Variants in SPOCK3 observed in about 807,000 individuals in gnomAD.
SPOCK3 encodes testican-3.
SPOCK3 carries 30 observed loss-of-function variants against 56.6 expected under a neutral mutation model. The observed-to-expected ratio is 0.53, with a 90% CI of 0.40 to 0.72. SPOCK3 has a LOEUF of 0.72. Ranked by LOEUF, SPOCK3 falls within the 30% of genes least tolerant of loss-of-function variation. The probability of loss-of-function intolerance (pLI) is 0.00; values close to 1 mark genes in which losing one functional copy is unlikely to be tolerated. For synonymous variants in SPOCK3, 196 were observed against 183.3 expected, an observed-to-expected ratio of 1.07 and a Z score of -0.56; for missense variants, 527 against 530.0, an observed-to-expected ratio of 0.99 and a Z score of 0.06.
At chr4:167,220,525 G>A (rs1304110370) in intron 2 of SPOCK3, among the ~76,000 whole-genome samples, 1 of 151,282 alleles carries the variant, frequency 6.6e-6, no homozygotes, top group Non-Finnish European at 1.5e-5. Context: ...CAATAGGCAT[G>A]TGCCACCACA....
At chr4:167,010,144 T>G (rs1561115658) in intron 3 of SPOCK3, among the ~76,000 whole-genome samples, 1 of 152,028 alleles carries the variant, frequency 6.6e-6, no homozygotes, top group Non-Finnish European at 1.5e-5. Flanking sequence ...AACCACAGAC[T>G]AAGAGTGAAT....
At chr4:166,998,196 C>A (rs1302793829) in intron 4 of SPOCK3, among the ~76,000 whole-genome samples, 1 of 152,068 alleles carries the variant, frequency 6.6e-6, no homozygotes. Flanking sequence ...ATTGAATGGA[C>A]ATTTATAAAT....
intron 2 of SPOCK3, among the ~76,000 whole-genome samples, chr4:167,102,724 C>T (rs1759760452): frequency 6.6e-6 from 1 of 151,982 alleles, no homozygotes; most frequent in Non-Finnish European, 1.5e-5. Flanking sequence ...GGAGAATTAT[C>T]CATCCCAGCG....
intron 3 of SPOCK3, among the ~76,000 whole-genome samples, chr4:167,030,083 TTCTATCTATCTATCTA>T (rs59694023): frequency 2.2e-4 from 31 of 141,480 alleles, no homozygotes; most frequent in East Asian, 1.4e-3. Context: ...TAATGGCTCA[TTCTATCTATCTATCTA>T]TCTATCTATC....
chr4:167,086,737 A>T (rs1406933085), intron 2 of SPOCK3, among the ~76,000 whole-genome samples: 1 of 152,212 alleles, frequency 6.6e-6, no homozygotes, highest in East Asian at 1.9e-4. Flanking sequence ...ATATTATATA[A>T]ATATCTACTT....
chr4:166,944,015 C>T (rs903323085), intron 4 of SPOCK3, among the ~76,000 whole-genome samples: 1 of 152,022 alleles, frequency 6.6e-6, no homozygotes, highest in Admixed American at 6.6e-5. Context: ...AGCATAGTGG[C>T]CCATGCCTGT....
chr4:167,171,426 A>T (rs556336703), intron 2 of SPOCK3, among the ~76,000 whole-genome samples: 1 of 152,324 alleles, frequency 6.6e-6, no homozygotes, highest in African/African-American at 2.4e-5. Flanking sequence ...TACAGCATGT[A>T]ACCCATTTCC....
chr4:167,173,282 TAC>T (rs1352211085), intron 2 of SPOCK3, among the ~76,000 whole-genome samples: 6 of 152,210 alleles, frequency 3.9e-5, no homozygotes, highest in Non-Finnish European at 8.8e-5. Context: ...CTCCTTCTAC[TAC>T]AGTGAGTACA....
chr4:166,880,714 G>A (rs188697157), intron 6 of SPOCK3, among the ~76,000 whole-genome samples: 50 of 152,084 alleles, frequency 3.3e-4, no homozygotes, highest in East Asian at 1.2e-3. Context: ...AAAGTCAATC[G>A]ACAAGGCATA....
chr4:167,078,342 G>A (rs571141702), intron 2 of SPOCK3, among the ~76,000 whole-genome samples: 1 of 141,752 alleles, frequency 7.1e-6, no homozygotes, highest in Non-Finnish European at 1.5e-5. Flanking sequence ...GTGTGTGTGT[G>A]TGTGTGTGTG....
At position 167,062,546 on chromosome 4, in the gene SPOCK3, G is replaced by GA. The variant is rs1561176539; in HGVS notation, c.190-10dup. ...GTGCGGAAATAATCATCCTAAGGGG[G>GA]AAAATAATGTGAATTGAGTGTATAC... On this transcript the variant is annotated splice_polypyrimidine_tract_variant and intron_variant, in intron 2 of 10. Coordinates refer to ENST00000357545, the MANE Select transcript of SPOCK3 (RefSeq NM_001040159.2). 1 of 1,599,290 alleles carries GA rather than the reference G, an allele frequency of 6.3e-7. No individual in the cohort carries two copies. The highest frequency in any genetic ancestry group is 1.1e-5 in the South Asian group (1 of 89,568).
chr4:166,798,500 T>C (rs1742205431), intron 6 of SPOCK3, among the ~76,000 whole-genome samples: 1 of 152,192 alleles, frequency 6.6e-6, no homozygotes, highest in Non-Finnish European at 1.5e-5. Context: ...CATTCCACCA[T>C]AGCTATGATC....
intron 6 of SPOCK3, among the ~76,000 whole-genome samples, chr4:166,807,323 AG>A (rs1470542991): frequency 3.3e-5 from 5 of 151,676 alleles, no homozygotes; most frequent in Non-Finnish European, 7.4e-5. Context: ...AAAAAAAAAA[AG>A]AACAGGGTCA....
chr4:166,845,588 A>G (rs1190161252), intron 6 of SPOCK3, among the ~76,000 whole-genome samples: 3 of 152,198 alleles, frequency 2.0e-5, no homozygotes, highest in Admixed American at 2.0e-4. Flanking sequence ...GAACAAACAA[A>G]CCAACTTTAC....
chr4:166,950,289 G>C (rs893053233), intron 4 of SPOCK3, among the ~76,000 whole-genome samples: 29 of 151,606 alleles, frequency 1.9e-4, no homozygotes, highest in African/African-American at 3.7e-4. Context: ...TGCAATCCTA[G>C]TCTCTGATAA....
chr4:167,048,126 C>T (rs926358432), intron 3 of SPOCK3, among the ~76,000 whole-genome samples: 1 of 151,820 alleles, frequency 6.6e-6, no homozygotes, highest in African/African-American at 2.4e-5. Context: ...TATAAAAATA[C>T]TACACATTAT....
intron 2 of SPOCK3, among the ~76,000 whole-genome samples, chr4:167,104,503 TG>T (rs1759927078): frequency 6.6e-6 from 1 of 152,010 alleles, no homozygotes; most frequent in Non-Finnish European, 1.5e-5. Flanking sequence ...AAAGAATTAA[TG>T]AGCTTGAAGA....
chr4:167,160,920 AG>A (rs1765246176), intron 2 of SPOCK3, among the ~76,000 whole-genome samples: 1 of 152,228 alleles, frequency 6.6e-6, no homozygotes, highest in Non-Finnish European at 1.5e-5. Context: ...CTTAAATGTT[AG>A]ACCTAAAACC....
At chr4:166,744,403 G>C (rs1188747457) in intron 8 of SPOCK3, among the ~76,000 whole-genome samples, 5 of 152,170 alleles carry the variant, frequency 3.3e-5, no homozygotes, top group Admixed American at 3.3e-4. Context: ...CTGACTGTTG[G>C]AAGGAAAAGC....
Sources: gnomAD v4.1 joint callset for allele counts (sites outside exome capture counted in the v4.1 genomes callset) on GRCh38, gnomAD v4.1.1 for gene constraint, MANE v1.5 for transcripts, NCBI Gene and HGNC (gene_info 2026-07-23, HGNC 2026-07-21) for gene names.